MASP1: variants seen among roughly 807,000 people sequenced by gnomAD.
MASP1 encodes MBL associated serine protease 1, also known as mannan-binding lectin serine protease 1.
A neutral mutation model predicts 77.1 loss-of-function variants in MASP1; 59 were observed. That is an observed-to-expected ratio of 0.77 (90% CI 0.62 to 0.95). The LOEUF (loss-of-function observed/expected upper bound fraction) is 0.95, where lower values mean the gene tolerates loss of function less well. MASP1 is among the 40% of genes least tolerant of loss of function. The pLI, the probability that MASP1 is intolerant of heterozygous loss-of-function variation, is 0.00. For missense variants in MASP1, 885 were observed against 912.9 expected, an observed-to-expected ratio of 0.97 and a Z score of 0.39; for synonymous variants, 362 against 354.5, an observed-to-expected ratio of 1.02 and a Z score of -0.24.
downstream of MASP1, chr3:187,229,897 A>C: frequency 6.2e-7 from 1 of 1,614,114 alleles, no homozygotes; most frequent in Middle Eastern, 1.6e-4. Flanking sequence ...GAGCCCACAC[A>C]CTGCATCCAA....
At chr3:187,263,141 C>G in intron 2 of MASP1, 1 of 244,430 alleles carries the variant, frequency 4.1e-6, no homozygotes, top group Non-Finnish European at 8.0e-6. Flanking sequence ...TACTGCCGAG[C>G]AAAGCATGAG....
intron 8 of MASP1, chr3:187,246,742 C>A (rs1444508495): frequency 1.5e-5 from 15 of 978,312 alleles, no homozygotes; most frequent in Admixed American, 5.7e-5. Flanking sequence ...GAAGACAGAA[C>A]CTCTAATGAT....
chr3:187,246,467 C>T lies in MASP1; in HGVS notation c.1091-2846G>A, dbSNP rs561916522. On this transcript the variant is annotated intron_variant, in intron 8 of 10. Transcript: ENST00000296280. Reference sequence around the variant, plus strand: ...ATGGCACCTCAGTCTCCAGACTGCCCAGGGTTCTCCCCTCACCGCACAGCC... The same window carrying T: ...ATGGCACCTCAGTCTCCAGACTGCCTAGGGTTCTCCCCTCACCGCACAGCC... 4.3e-5 allele frequency: 42 copies of T among 985,390 alleles called. No individual in the cohort carries two copies. The African/African-American group carries it at 6.3e-4, about 15-fold the overall frequency. The allele number at this position is 985,390 out of a possible 1,614,324, so 61.0% of individuals were successfully genotyped here. A position where few individuals can be genotyped will look rare whatever the true frequency, so the allele number is the denominator to read the frequency against.
At chr3:187,285,484 C>G (rs1293185789) in intron 2 of MASP1, among the ~76,000 whole-genome samples, 1 of 151,956 alleles carries the variant, frequency 6.6e-6, no homozygotes, top group African/African-American at 2.4e-5. Context: ...TCCATGATTA[C>G]TGCTTACTCT....
chr3:187,218,775 G>C (rs1268981859), exon 16 of MASP1: 2 of 152,402 alleles, frequency 1.3e-5, no homozygotes, highest in Middle Eastern at 3.4e-3. Flanking sequence ...TGGAGCTCTG[G>C]AGGGCATAAA....
At chr3:187,224,882 T>C (rs960504948) in intron 13 of MASP1, among the ~76,000 whole-genome samples, 2 of 152,230 alleles carry the variant, frequency 1.3e-5, no homozygotes, top group African/African-American at 4.8e-5. Flanking sequence ...CTTAGCACGT[T>C]AGACTCTTCT....
chr3:187,275,945 G>A (rs913320385), intron 2 of MASP1, among the ~76,000 whole-genome samples: 7 of 152,104 alleles, frequency 4.6e-5, no homozygotes, highest in Admixed American at 3.3e-4. Flanking sequence ...CATTTAACAG[G>A]AACCCTGTTT....
chr3:187,280,159 A>T (rs567923753), intron 2 of MASP1, among the ~76,000 whole-genome samples: 1 of 152,356 alleles, frequency 6.6e-6, no homozygotes, highest in Admixed American at 6.5e-5. Flanking sequence ...GGAGAGGCTG[A>T]CATCTGGTAG....
intron 1 of MASP1, among the ~76,000 whole-genome samples, chr3:187,287,998 T>C (rs886520549): frequency 6.6e-6 from 1 of 152,240 alleles, no homozygotes; most frequent in African/African-American, 2.4e-5. Flanking sequence ...ACCAAGGTAT[T>C]GACAGTAGTT....
intron 15 of MASP1, chr3:187,220,284 T>C: frequency 1.2e-6 from 2 of 1,611,122 alleles, no homozygotes; most frequent in Non-Finnish European, 1.7e-6. Context: ...GAGACATAGA[T>C]GAAGATAAAA....
At position 187,250,293 on chromosome 3, in the gene MASP1, GAC is replaced by G; in HGVS notation, c.1046_1047del (p.Cys349SerfsTer8). 1 of 1,614,000 alleles carries G rather than the reference GAC, an allele frequency of 6.2e-7. No individual in the cohort carries two copies. Among genetic ancestry groups the G allele is most frequent in the Non-Finnish European group, 8.5e-7 (1 of 1,179,864 alleles). On this transcript the variant is annotated frameshift_variant, in exon 8 of 11. Coordinates refer to ENST00000296280, the MANE Select transcript of MASP1 (RefSeq NM_139125.4). LOFTEE classifies it high-confidence loss of function. ...TTGTTACTCCACGTCCCATCCTTCA[GAC>G]ACTCAATCTGGAATGTGTCCATCTC... is the stretch of plus-strand genomic sequence containing the variant. ...NVEMDTFQIE[C>X]LKDGTWSNKI...
intron 12 of MASP1, chr3:187,225,620 C>A: frequency 9.4e-7 from 1 of 1,061,770 alleles, no homozygotes; most frequent in South Asian, 1.3e-5. Context: ...CCAGCCTTAG[C>A]CCTTTCACTG....
At chr3:187,241,956 T>C in intron 9 of MASP1, 1 of 254,874 alleles carries the variant, frequency 3.9e-6, no homozygotes, top group Non-Finnish European at 7.7e-6. Flanking sequence ...TTCAGCATGG[T>C]GTCTGTCCAA....
In MASP1 at chr3:187,262,727, G is replaced by A. The variant is rs1715703722; in HGVS notation, c.238-7C>T. ...CCTGGTCCTCAGTTTCTACCTTTGA[G>A]GTCAAAGAGAAAGGGAACAAGATGA... On this transcript the variant is annotated splice_polypyrimidine_tract_variant and splice_region_variant and intron_variant, in intron 2 of 10. Coordinates refer to ENST00000296280, the MANE Select transcript of MASP1 (RefSeq NM_139125.4). 1 of 1,613,800 alleles carries A rather than the reference G, an allele frequency of 6.2e-7. No homozygotes were observed. The highest frequency in any genetic ancestry group is 8.5e-7 in the Non-Finnish European group (1 of 1,179,794).
In MASP1 at chr3:187,260,781, G is replaced by A. The variant is rs896118291; in HGVS notation, c.507C>T (p.Arg169=). The change falls in exon 4 of 11, where the codon CGC becomes CGT. Residue 169 remains arginine (R), a synonymous_variant. Coordinates refer to ENST00000296280, the MANE Select transcript of MASP1 (RefSeq NM_139125.4). ...NYIGGYYCSC[R]FGYILHTDNR... ...TGTCTGTGTGGAGGATGTAGCCGAA[G>A]CGGCAGGAGCAGTAGTAGCCGCCAA... 1.2e-6 allele frequency: 2 copies of A among 1,614,042 alleles called. No individual in the cohort carries two copies. Among genetic ancestry groups the A allele is most frequent in the East Asian group, 2.2e-5 (1 of 44,882 alleles).
At chr3:187,254,371 C>A (rs1714890097) in intron 5 of MASP1, among the ~76,000 whole-genome samples, 1 of 151,896 alleles carries the variant, frequency 6.6e-6, no homozygotes, top group Non-Finnish European at 1.5e-5. Flanking sequence ...TGAGTATGAG[C>A]CTATTTGAAG....
At chr3:187,239,554 G>T (rs919953866) in intron 10 of MASP1, among the ~76,000 whole-genome samples, 1 of 152,172 alleles carries the variant, frequency 6.6e-6, no homozygotes, top group Admixed American at 6.5e-5. Context: ...TTCTAGCATG[G>T]AATCTATCCC....
At chr3:187,253,912 C>T (rs529574337) in intron 5 of MASP1, among the ~76,000 whole-genome samples, 29 of 151,948 alleles carry the variant, frequency 1.9e-4, no homozygotes, top group African/African-American at 6.0e-4. Context: ...ACCTAGGTGA[C>T]GGGTTGATGG....
rs905790261 is a variant in MASP1 at position 187,241,604 on chromosome 3, G to A, written c.1229-49C>T. ...AGAGGAGGGAGAAAATGGTTGATTTGTAACACATGGAAAATAGATCTGGGT... is the reference window on the plus strand; with the variant it reads ...AGAGGAGGGAGAAAATGGTTGATTTATAACACATGGAAAATAGATCTGGGT... On this transcript the variant is annotated intron_variant, in intron 9 of 10. Coordinates refer to ENST00000296280, the MANE Select transcript of MASP1 (RefSeq NM_139125.4). The A allele has an allele frequency of 3.3e-6, 4 of 1,211,518 alleles. No homozygotes were observed. The East Asian group carries it at 9.3e-5, about 28-fold the overall frequency. 75.0% of individuals were successfully genotyped at this position (1,211,518 alleles called of 1,614,324 possible).
Sources: gnomAD v4.1 joint callset for allele counts (sites outside exome capture counted in the v4.1 genomes callset) on GRCh38, gnomAD v4.1.1 for gene constraint, MANE v1.5 for transcripts, NCBI Gene and HGNC (gene_info 2026-07-23, HGNC 2026-07-21) for gene names.